The following SMCO4 variants were observed in gnomAD, a reference collection of about 807,000 sequenced individuals.
SMCO4 encodes the protein single-pass membrane and coiled-coil domain-containing protein 4.
A neutral mutation model predicts 3.6 loss-of-function variants in SMCO4; 4 were observed. The observed-to-expected ratio is 1.11, with a 90% CI of 0.54 to 2.53. The LOEUF (loss-of-function observed/expected upper bound fraction) is 2.53, where lower values mean the gene tolerates loss of function less well. Among genes scored for constraint, SMCO4 ranks in the 30% most tolerant of loss-of-function variants. SMCO4 has a pLI of 0.02. For synonymous variants in SMCO4, 36 were observed against 35.3 expected (o/e 1.02, Z -0.07); for missense variants, 70 against 80.8 (o/e 0.87, Z 0.51).
intron 2 of SMCO4, among the ~76,000 whole-genome samples, chr11:93,479,806 T>C (rs372430812): frequency 6.6e-6 from 1 of 152,060 alleles, no homozygotes; most frequent in African/African-American, 2.4e-5. Flanking sequence ...GGCCCATTCA[T>C]CCAAACCTTC....
At chr11:93,534,365 T>G (rs1429114009) in intron 1 of SMCO4, among the ~76,000 whole-genome samples, 8 of 95,794 alleles carry the variant, frequency 8.4e-5, no homozygotes, top group African/African-American at 1.6e-4. Context: ...TACATATATA[T>G]ATATATATAT....
intron 1 of SMCO4, among the ~76,000 whole-genome samples, chr11:93,540,056 C>G (rs538385223): frequency 6.6e-6 from 1 of 152,092 alleles, no homozygotes; most frequent in East Asian, 1.9e-4. Context: ...TTCTGGCTTA[C>G]GATTTTTTCA....
chr11:93,518,282 A>G (rs1002964823), intron 1 of SMCO4, among the ~76,000 whole-genome samples: 1 of 152,202 alleles, frequency 6.6e-6, no homozygotes. Context: ...TCTGTACATC[A>G]TTCCTTTTTA....
At chr11:93,488,203 G>C (rs1408189809) in intron 2 of SMCO4, among the ~76,000 whole-genome samples, 1 of 152,186 alleles carries the variant, frequency 6.6e-6, no homozygotes, top group Non-Finnish European at 1.5e-5. Context: ...AGGCAGGGCA[G>C]GACCCATGCA....
chr11:93,523,432 T>G (rs1460237232), intron 1 of SMCO4: 1 of 152,472 alleles, frequency 6.6e-6, no homozygotes, highest in East Asian at 1.9e-4. Context: ...CCAAGGCAGG[T>G]GGATTGCTTG....
At chr11:93,481,483 G>A in intron 2 of SMCO4, 1 of 985,380 alleles carries the variant, frequency 1.0e-6, no homozygotes, top group Non-Finnish European at 1.2e-6. Flanking sequence ...CTCAGGGCTT[G>A]GCACAGAGCG....
At chr11:93,518,466 T>C (rs1445269037) in intron 1 of SMCO4, among the ~76,000 whole-genome samples, 1 of 152,238 alleles carries the variant, frequency 6.6e-6, no homozygotes, top group Non-Finnish European at 1.5e-5. Flanking sequence ...TTTGAGTATA[T>C]AACTAGGATG....
chr11:93,497,469 G>A (rs1417535879), intron 2 of SMCO4, among the ~76,000 whole-genome samples: 1 of 152,196 alleles, frequency 6.6e-6, no homozygotes, highest in East Asian at 1.9e-4. Context: ...TGACTGGAAG[G>A]TCTCAGGAGG....
intron 1 of SMCO4, among the ~76,000 whole-genome samples, chr11:93,506,924 G>C (rs1948910025): frequency 1.3e-5 from 2 of 152,230 alleles, no homozygotes; most frequent in African/African-American, 2.4e-5. Flanking sequence ...TGACTGAGCT[G>C]CAAGCTTAGC....
At chr11:93,537,368 A>G (rs1591331120) in intron 1 of SMCO4, among the ~76,000 whole-genome samples, 1 of 152,198 alleles carries the variant, frequency 6.6e-6, no homozygotes, top group African/African-American at 2.4e-5. Context: ...CTGAAATCCA[A>G]ACTGAACCAG....
chr11:93,506,587 C>T (rs1307047809), intron 1 of SMCO4, among the ~76,000 whole-genome samples: 2 of 152,066 alleles, frequency 1.3e-5, no homozygotes, highest in Admixed American at 6.5e-5. Context: ...TACGGGTGCC[C>T]GCCACCACGT....
In SMCO4 at chr11:93,513,095, T is replaced by A. The variant is rs538414039; in HGVS notation, c.-153-13747A>T. On this transcript the variant is annotated intron_variant, in intron 1 of 2. Transcript: ENST00000298966. ...CATCAATAGTGAAGAATCATCCAAC[T>A]TGCATTTTATAAGCCTATTGTGGCT... 1.2e-3 allele frequency among the ~76,000 whole-genome samples: 182 copies of A among 152,296 alleles called. 2 individuals carry two copies. Among genetic ancestry groups the A allele is most frequent in the Non-Finnish European group, 1.7e-3 (113 of 68,016 alleles).
chr11:93,548,751 A>G, the SMCO4 span, among the ~76,000 whole-genome samples: 2 of 152,216 alleles, frequency 1.3e-5, no homozygotes, highest in Non-Finnish European at 2.9e-5. Flanking sequence ...AAGCAAGGAA[A>G]GAGTGAAGCA....
intron 1 of SMCO4, among the ~76,000 whole-genome samples, chr11:93,500,788 G>C (rs1270343148): frequency 6.6e-6 from 1 of 152,244 alleles, no homozygotes; most frequent in Non-Finnish European, 1.5e-5. Flanking sequence ...GCAGTCAGCT[G>C]GAAATTAAGT....
intron 1 of SMCO4, among the ~76,000 whole-genome samples, chr11:93,516,337 C>T (rs2134616589): frequency 6.6e-6 from 1 of 152,268 alleles, no homozygotes; most frequent in East Asian, 1.9e-4. Flanking sequence ...AACTGCTAAG[C>T]TCTGTTCTTC....
chr11:93,527,870 G>C (rs1249033893), intron 1 of SMCO4, among the ~76,000 whole-genome samples: 1 of 152,036 alleles, frequency 6.6e-6, no homozygotes, highest in East Asian at 1.9e-4. Context: ...CAAACTCCTG[G>C]GTTCAGGTGA....
In SMCO4 at chr11:93,523,145, G is replaced by A. The variant is rs532042124; in HGVS notation, c.-154+20131C>T. ...GGTCTGTCACTAGGTGACCAAAAATGTAAGAGCTGGCCAAGCACGGTGGCT... is the reference window on the plus strand; with the variant it reads ...GGTCTGTCACTAGGTGACCAAAAATATAAGAGCTGGCCAAGCACGGTGGCT... On this transcript the variant is annotated intron_variant, in intron 1 of 2. Transcript: ENST00000298966. Among the ~76,000 whole-genome samples the A allele has an allele frequency of 2.0e-5, 3 of 152,272 alleles. No individual in the cohort carries two copies. In the South Asian group the frequency reaches 6.2e-4, roughly 32 times the overall value.
At chr11:93,482,082 C>T (rs1446722473) in intron 2 of SMCO4, among the ~76,000 whole-genome samples, 5 of 152,266 alleles carry the variant, frequency 3.3e-5, no homozygotes, top group East Asian at 1.9e-4. Flanking sequence ...GGGCCAGGGC[C>T]GGTCTGGTCA....
chr11:93,522,159 C>A, intron 1 of SMCO4, among the ~76,000 whole-genome samples: 1 of 152,144 alleles, frequency 6.6e-6, no homozygotes, highest in Non-Finnish European at 1.5e-5. Context: ...CTTGGGCTAT[C>A]GGGTTAATTG....
Sources: gnomAD v4.1 joint callset for allele counts (sites outside exome capture counted in the v4.1 genomes callset) on GRCh38, gnomAD v4.1.1 for gene constraint, MANE v1.5 for transcripts, NCBI Gene and HGNC (gene_info 2026-07-23, HGNC 2026-07-21) for gene names.